TMC3: variants seen among roughly 807,000 people sequenced by gnomAD.
TMC3 encodes the protein transmembrane channel-like protein 3.
TMC3 carries 98 observed loss-of-function variants against 110.6 expected under a neutral mutation model. That is an observed-to-expected ratio of 0.89 (90% CI 0.75 to 1.05). The LOEUF (loss-of-function observed/expected upper bound fraction) is 1.05. TMC3 is among the 50% of genes least tolerant of loss of function. The probability of loss-of-function intolerance (pLI) is 0.00; values close to 1 mark genes in which losing one functional copy is unlikely to be tolerated. For synonymous variants in TMC3, 489 were observed against 513.1 expected (o/e 0.95, Z 0.63); for missense variants, 1,319 against 1,373.2 (o/e 0.96, Z 0.62).
intron 2 of TMC3, among the ~76,000 whole-genome samples, chr15:81,371,880 G>A (rs1419616358): frequency 1.3e-5 from 2 of 152,106 alleles, no homozygotes; most frequent in Non-Finnish European, 2.9e-5. Context: ...TGACATTTTT[G>A]GAAACGTGCT....
intron 10 of TMC3, among the ~76,000 whole-genome samples, chr15:81,350,995 A>T (rs1165294996): frequency 6.6e-6 from 1 of 152,218 alleles, no homozygotes; most frequent in East Asian, 1.9e-4. Flanking sequence ...CTAAATATTC[A>T]CGAATGACAC....
intron 9 of TMC3, among the ~76,000 whole-genome samples, chr15:81,354,484 A>T (rs796759779): frequency 1.4e-4 from 21 of 152,334 alleles, no homozygotes; most frequent in African/African-American, 4.8e-4. Context: ...ATTCACTCCC[A>T]GCATTGCACC....
At position 81,332,345 on chromosome 15, in the gene TMC3, A is replaced by C. The variant is rs1034873899; in HGVS notation, c.*74T>G. On this transcript the variant is annotated 3_prime_UTR_variant, in exon 22 of 22. Coordinates refer to ENST00000359440, the MANE Select transcript of TMC3 (RefSeq NM_001080532.3). The stretch of plus-strand genomic sequence containing the variant: ...CACACTTGTTCACCTCTTTTTCCAG[A>C]AAGGGAGATGCCATGTGCTGGCCCA... 6.7e-7 allele frequency: 1 copy of C among 1,486,700 alleles called. No individual in the cohort carries two copies. The highest frequency in any genetic ancestry group is 2.4e-5 in the Admixed American group (1 of 41,066). 92.1% of individuals were successfully genotyped at this position (1,486,700 alleles called of 1,614,324 possible).
rs7180672 is a variant in TMC3 at position 81,368,211 on chromosome 15, G to A, written c.312+42C>T. ...GCCTCCCAAAGCACTGGGATTACAG[G>A]TGTGAGCCACCGCGCCCAGCCACAT... On this transcript the variant is annotated intron_variant, in intron 3 of 21. Transcript: ENST00000359440. The A allele has an allele frequency of 3.6e-3, 5,224 of 1,469,464 alleles. 169 individuals are homozygous for A. In the African/African-American group the frequency reaches 0.063, roughly 18 times the overall value. The allele number at this position is 1,469,464 out of a possible 1,614,324, so 91.0% of individuals were successfully genotyped here.
chr15:81,363,439 A>G (rs1391796459), intron 3 of TMC3, among the ~76,000 whole-genome samples: 3 of 152,230 alleles, frequency 2.0e-5, no homozygotes, highest in Non-Finnish European at 2.9e-5. Flanking sequence ...ATCATTGCAG[A>G]AAGAGGGATT....
chr15:81,334,387 T>G (rs1436823253), intron 21 of TMC3, among the ~76,000 whole-genome samples: 1 of 152,178 alleles, frequency 6.6e-6, no homozygotes, highest in Non-Finnish European at 1.5e-5. Flanking sequence ...AGACTAGGGC[T>G]AAAATATGGA....
rs140344228 is a variant in TMC3, at chr15:81,348,402, T to A, written c.1193+1056A>T. On this transcript the variant is annotated intron_variant, in intron 11 of 21. Transcript: ENST00000359440. ...TTAACAATGCCTCACCCAGCCCTAC[T>A]ACAGTAGCTAAATTTGTAAATGAAG... Among the ~76,000 whole-genome samples, 15 of 152,330 alleles carry A rather than the reference T, an allele frequency of 9.8e-5. No individual in the cohort carries two copies. In the East Asian group the frequency reaches 2.9e-3, roughly 29 times the overall value.
chr15:81,337,761 G>A, intron 19 of TMC3, 85 bp downstream of exon 19: 1 of 1,177,326 alleles, frequency 8.5e-7, no homozygotes, highest in South Asian at 1.3e-5. Flanking sequence ...TTGAAGATGT[G>A]ACTTCACTTG....
At chr15:81,343,201 C>A in intron 15 of TMC3, 77 bp downstream of exon 15, 3 of 853,414 alleles carry the variant, frequency 3.5e-6, no homozygotes, top group Non-Finnish European at 6.0e-6. Context: ...ATGGTCGTGT[C>A]CCATCTAGAC....
At chr15:81,359,967 T>C (rs1894151391) in intron 4 of TMC3, among the ~76,000 whole-genome samples, 1 of 152,148 alleles carries the variant, frequency 6.6e-6, no homozygotes, top group Non-Finnish European at 1.5e-5. Context: ...TTTCTATACA[T>C]CTAAACTTAT....
chr15:81,363,341 C>A (rs1894233605), intron 3 of TMC3, among the ~76,000 whole-genome samples: 1 of 152,120 alleles, frequency 6.6e-6, no homozygotes, highest in Admixed American at 6.5e-5. Context: ...GCAAGATATG[C>A]CCTGACACTA....
intron 20 of TMC3, chr15:81,335,746 C>T (rs1327282805): frequency 6.6e-6 from 1 of 152,254 alleles, no homozygotes; most frequent in Non-Finnish European, 1.5e-5. Flanking sequence ...CCCAGTGAGC[C>T]TTCTAGCTCA....
At chr15:81,339,176 A>G (rs1893660009) in intron 17 of TMC3, among the ~76,000 whole-genome samples, 1 of 152,236 alleles carries the variant, frequency 6.6e-6, no homozygotes, top group Non-Finnish European at 1.5e-5. Context: ...TTTTCACTTT[A>G]AAAGGATTGT....
chr15:81,354,511 C>T (rs573094542), intron 9 of TMC3, among the ~76,000 whole-genome samples: 3 of 152,294 alleles, frequency 2.0e-5, no homozygotes, highest in Admixed American at 6.5e-5. Context: ...CTTGGTTGCA[C>T]GTGCATGTGT....
intron 15 of TMC3, among the ~76,000 whole-genome samples, chr15:81,342,541 GAT>G (rs1893736386): frequency 6.6e-6 from 1 of 152,164 alleles, no homozygotes; most frequent in Non-Finnish European, 1.5e-5. Flanking sequence ...TATTTGTAAA[GAT>G]ATTTTGCAAA....
At chr15:81,369,136 T>G (rs1164471129) in intron 2 of TMC3, among the ~76,000 whole-genome samples, 1 of 152,064 alleles carries the variant, frequency 6.6e-6, no homozygotes, top group Admixed American at 6.5e-5. Context: ...TTAGTTCTTC[T>G]GAATTAGCCA....
At position 81,362,219 on chromosome 15, in the gene TMC3, C is replaced by T. The variant is rs1370405835; in HGVS notation, c.394+1G>A. 1 of 1,605,656 alleles carries T rather than the reference C, an allele frequency of 6.2e-7. No individual in the cohort carries two copies. The highest frequency in any genetic ancestry group is 1.1e-5 in the South Asian group (1 of 89,300). ...CCCACTCTCCAGGTGTAAATACTTA[C>T]TCTCGATTTTCTTTATCCTCATTTC... On this transcript the variant is annotated splice_donor_variant, in intron 4 of 21. Transcript: ENST00000359440. LOFTEE classifies it high-confidence loss of function.
In TMC3 at chr15:81,341,451, G is replaced by A. The variant is rs1213820268; in HGVS notation, c.1783C>T (p.Leu595=). The change falls in exon 16 of 22, where the codon CTG becomes TTG. Residue 595 remains leucine, a synonymous_variant. Coordinates refer to ENST00000359440, the MANE Select transcript of TMC3 (RefSeq NM_001080532.3). The part of the protein sequence containing the change: ...NVLKLIGLMY[L]RSWAVLTCNV... Reference sequence around the variant, plus strand: ...CAGGTCAGCACAGCCCAGCTTCTCAGGTACATGAGCCCAATGAGTTTGAGA... The same window carrying A: ...CAGGTCAGCACAGCCCAGCTTCTCAAGTACATGAGCCCAATGAGTTTGAGA... 1.9e-6 allele frequency: 3 copies of A among 1,611,648 alleles called. No homozygotes were observed. The highest frequency in any genetic ancestry group is 2.5e-6 in the Non-Finnish European group (3 of 1,178,922).
intron 3 of TMC3, among the ~76,000 whole-genome samples, chr15:81,364,185 G>A (rs1894254667): frequency 6.6e-6 from 1 of 152,062 alleles, no homozygotes; most frequent in African/African-American, 2.4e-5. Context: ...CACCCCATCA[G>A]TAGTGCTTGA....
Sources: allele counts gnomAD v4.1 joint callset (sites outside exome capture counted in the v4.1 genomes callset), GRCh38; gene constraint gnomAD v4.1.1; transcripts MANE v1.5; gene names NCBI Gene and HGNC (gene_info 2026-07-23, HGNC 2026-07-21).